The following TATDN2 variants were observed in gnomAD, a reference collection of about 807,000 sequenced individuals.
TATDN2 encodes 3'-5' RNA nuclease TATDN2.
Under a neutral mutation model 60.3 loss-of-function variants are expected in TATDN2, and 44 were observed. The ratio of observed to expected loss-of-function variants is 0.73; its 90% CI spans 0.57 to 0.94. TATDN2 has a LOEUF of 0.94. Among genes scored for constraint, TATDN2 ranks in the 40% least tolerant of loss-of-function variants. The pLI is 0.00. For synonymous variants in TATDN2, 399 were observed against 355.8 expected, an observed-to-expected ratio of 1.12 and a Z score of -1.37; for missense variants, 997 against 948.0, an observed-to-expected ratio of 1.05 and a Z score of -0.68.
At position 10,260,309 on chromosome 3, in the gene TATDN2, G is replaced by T; in HGVS notation, c.587G>T (p.Gly196Val). Reference protein sequence around the residue: ...IYLKAIQGILGKSMPKRKGEA... With the variant: ...IYLKAIQGILVKSMPKRKGEA... ...CTGAAGGCTATCCAGGGCATCCTGG[G>T]GAAATCGATGCCAAAAAGGAAGGGA... The change falls in exon 3 of 8, where the codon GGG becomes GTG. Residue 196 changes from glycine (G) to valine (V), a missense_variant. Coordinates refer to ENST00000448281, the MANE Select transcript of TATDN2 (RefSeq NM_014760.4). 1 of 1,614,152 alleles carries T rather than the reference G, an allele frequency of 6.2e-7. No homozygotes were observed. The highest frequency in any genetic ancestry group is 8.5e-7 in the Non-Finnish European group (1 of 1,180,030).
chr3:10,270,662 G>A lies in TATDN2; in HGVS notation c.1480G>A (p.Gly494Ser). Residue 494 changes from glycine to serine, a missense_variant, in exon 4 of 8, where the codon GGC (glycine) becomes AGC (serine). Coordinates refer to ENST00000448281, the MANE Select transcript of TATDN2 (RefSeq NM_014760.4). ...KSHLEPSLEE[G>S]FIDTHCHLDM... ...CCACCTGGAGCCAAGCCTAGAGGAG[G>A]GCTTCATTGACACTCATTGTCACCT... is the stretch of plus-strand genomic sequence containing the variant. 1 of 1,614,196 alleles carries A rather than the reference G, an allele frequency of 6.2e-7. No homozygotes were observed. Among genetic ancestry groups the A allele is most frequent in the Non-Finnish European group, 8.5e-7 (1 of 1,180,034 alleles).
intron 3 of TATDN2, among the ~76,000 whole-genome samples, chr3:10,262,408 T>C (rs1698419524): frequency 6.6e-6 from 1 of 152,180 alleles, no homozygotes; most frequent in Non-Finnish European, 1.5e-5. Flanking sequence ...GGTAAACATG[T>C]GTCTGAGATT....
Position 10,270,412 on chromosome 3 carries a change from G to T in TATDN2, c.1230G>T (p.Lys410Asn). 1 of 1,614,234 alleles carries T rather than the reference G, an allele frequency of 6.2e-7. No individual in the cohort carries two copies. Among genetic ancestry groups the T allele is most frequent in the Non-Finnish European group, 8.5e-7 (1 of 1,180,046 alleles). The change falls in exon 4 of 8, where the codon AAG becomes AAT. Residue 410 changes from lysine to asparagine, a missense_variant. Transcript: ENST00000448281. Reference protein sequence around the residue: ...SSSNDAAQVGKSSRSRMSDYS... With the variant: ...SSSNDAAQVGNSSRSRMSDYS... ...GCAACGATGCAGCCCAGGTTGGGAAGAGCAGCCGGAGCCGCATGAGTGATT... is the reference window on the plus strand; with the variant it reads ...GCAACGATGCAGCCCAGGTTGGGAATAGCAGCCGGAGCCGCATGAGTGATT...
In TATDN2 at chr3:10,275,763, C is replaced by A. The variant is rs1180678812; in HGVS notation, c.1834-598C>A. 5.5e-3 allele frequency among the ~76,000 whole-genome samples: 8 copies of A among 1,446 alleles called. No homozygotes were observed. The South Asian group carries it at 0.18, about 33-fold the overall frequency. The allele number at this position is 1,446 out of a possible 152,430, so 0.9% of individuals were successfully genotyped here. A position where few individuals can be genotyped will look rare whatever the true frequency, so the allele number is the denominator to read the frequency against. On this transcript the variant is annotated intron_variant, in intron 4 of 7. Transcript: ENST00000448281. ...TCGGTCTCAAAAAAACAAAACAAAA[C>A]AAAACAAAAAAAAACAAAGCAAGTT...
chr3:10,260,562 A>G lies in TATDN2; in HGVS notation c.840A>G (p.Gln280=). The change falls in exon 3 of 8, where the codon CAA becomes CAG. Residue 280 remains glutamine, a synonymous_variant. Coordinates refer to ENST00000448281, the MANE Select transcript of TATDN2 (RefSeq NM_014760.4). ...FYDRRVVIDP[Q]EKPSEEPLGD... ...ACAGGAGAGTAGTTATAGACCCTCA[A>G]GAGAAACCCAGTGAGGAGCCCCTTG... is the stretch of plus-strand genomic sequence containing the variant. 1 of 1,614,178 alleles carries G rather than the reference A, an allele frequency of 6.2e-7. No homozygotes were observed. The highest frequency in any genetic ancestry group is 8.5e-7 in the Non-Finnish European group (1 of 1,180,008).
At chr3:10,250,108 G>A (rs984831165) in intron 2 of TATDN2, among the ~76,000 whole-genome samples, 3 of 151,610 alleles carry the variant, frequency 2.0e-5, no homozygotes, top group African/African-American at 7.3e-5. Context: ...GCGGTTCTTG[G>A]TGTAGCTTTT....
intron 3 of TATDN2, among the ~76,000 whole-genome samples, chr3:10,263,408 T>C (rs1698435207): frequency 6.6e-6 from 1 of 152,142 alleles, no homozygotes; most frequent in African/African-American, 2.4e-5. Context: ...TCTCTTTCTC[T>C]CTCTAGCTTC....
chr3:10,268,383 T>C (rs6787865), intron 3 of TATDN2, among the ~76,000 whole-genome samples: 133 of 152,370 alleles, frequency 8.7e-4, no homozygotes, highest in African/African-American at 3.0e-3. Context: ...TGCTCTTTCA[T>C]TGTGAATGTT....
chr3:10,260,196 G>C lies in TATDN2; in HGVS notation c.474G>C (p.Glu158Asp), dbSNP rs143544454. Residue 158 changes from glutamate to aspartate, a missense_variant, in exon 3 of 8, where the codon GAG (glutamate) becomes GAC (aspartate). Coordinates refer to ENST00000448281, the MANE Select transcript of TATDN2 (RefSeq NM_014760.4). ...STNSEFAAEA[E>D]GQNDTIEEPN... ...ACTCTGAATTTGCAGCTGAAGCTGA[G>C]GGTCAGAATGATACAATTGAGGAAC... 2 of 1,614,096 alleles carry C rather than the reference G, an allele frequency of 1.2e-6. No homozygotes were observed. Among genetic ancestry groups the C allele is most frequent in the Admixed American group, 1.7e-5 (1 of 60,006 alleles).
At position 10,278,458 on chromosome 3, in the gene TATDN2, G is replaced by T; in HGVS notation, c.2141G>T (p.Arg714Leu). 6.2e-7 allele frequency: 1 copy of T among 1,611,138 alleles called. No homozygotes were observed. The highest frequency in any genetic ancestry group is 1.1e-5 in the South Asian group (1 of 90,968). ...VETDAPYFLP[R>L]QVPKSLCQYA... ...ACGGATGCTCCCTATTTCCTCCCTC[G>T]CCAGGTAAGGGGGTCTTCAGGCTGA... Residue 714 changes from arginine to leucine, a missense_variant, in exon 6 of 8, where the codon CGC becomes CTC. Coordinates refer to ENST00000448281, the MANE Select transcript of TATDN2 (RefSeq NM_014760.4). This position sits in a 1 kb window ranked among gnomAD's most constrained non-coding sequence, Gnocchi z 4.7.
intron 3 of TATDN2, among the ~76,000 whole-genome samples, chr3:10,267,928 A>T (rs139415856): frequency 6.6e-6 from 1 of 152,376 alleles, no homozygotes; most frequent in African/African-American, 2.4e-5. Flanking sequence ...AGCCTTGTCA[A>T]ACTTAGGCAA....
At chr3:10,251,445 G>A (rs1314361789) in intron 2 of TATDN2, among the ~76,000 whole-genome samples, 1 of 152,064 alleles carries the variant, frequency 6.6e-6, no homozygotes, top group East Asian at 1.9e-4. Context: ...GACTGCAGTG[G>A]CATGATCTCT....
intron 3 of TATDN2, among the ~76,000 whole-genome samples, chr3:10,261,550 A>G (rs1473588505): frequency 6.6e-6 from 1 of 151,904 alleles, no homozygotes; most frequent in African/African-American, 2.4e-5. Flanking sequence ...TTGTATTTTT[A>G]GTAGATATGG....
rs1261044207 is a variant in TATDN2, at chr3:10,281,150, A to G, written c.*1968A>G. On this transcript the variant is annotated 3_prime_UTR_variant, in exon 8 of 8. Transcript: ENST00000448281. ...TAATTGTTTTCACTGTGCTGTGGGA[A>G]TGCCTCTGTATTTTTTCCCCTCTTT... 6.6e-6 allele frequency: 1 copy of G among 152,108 alleles called. No homozygotes were observed. Among genetic ancestry groups the G allele is most frequent in the Admixed American group, 6.5e-5 (1 of 15,268 alleles). The allele number at this position is 152,108 out of a possible 1,614,324, so 9.4% of individuals were successfully genotyped here. A position where few individuals can be genotyped will look rare whatever the true frequency, so the allele number is the denominator to read the frequency against.
chr3:10,254,986 T>G (rs1698284340), intron 2 of TATDN2, among the ~76,000 whole-genome samples: 2 of 134,274 alleles, frequency 1.5e-5, no homozygotes, highest in African/African-American at 3.0e-5. Context: ...TTTTTCCCCC[T>G]TCCCCCTTCC....
chr3:10,271,062 A>G (rs1559463701), intron 4 of TATDN2, 47 bp downstream of exon 4: 1 of 1,500,020 alleles, frequency 6.7e-7, no homozygotes, highest in Non-Finnish European at 8.8e-7. Context: ...TTTTTCTTTT[A>G]GTTGTTGAAG....
In TATDN2 at chr3:10,270,814, A is replaced by G; in HGVS notation, c.1632A>G (p.Thr544=). The G allele has an allele frequency of 3.1e-6, 5 of 1,614,188 alleles. No individual in the cohort carries two copies. Among genetic ancestry groups the G allele is most frequent in the Non-Finnish European group, 4.2e-6 (5 of 1,180,032 alleles). Reference sequence around the variant, plus strand: ...ACTTCTGTGATCCCCGCACCCTGACAGATTGCCTATGGGAGGAGCTGTTGA... The same window carrying G: ...ACTTCTGTGATCCCCGCACCCTGACGGATTGCCTATGGGAGGAGCTGTTGA... ...ISDFCDPRTL[T]DCLWEELLKE... is the part of the protein sequence containing the mutation. The change falls in exon 4 of 8, where the codon ACA becomes ACG. Residue 544 remains threonine, a synonymous_variant. Coordinates refer to ENST00000448281, the MANE Select transcript of TATDN2 (RefSeq NM_014760.4).
intron 2 of TATDN2, among the ~76,000 whole-genome samples, chr3:10,255,084 C>G (rs1372347590): frequency 7.1e-6 from 1 of 140,468 alleles, no homozygotes; most frequent in African/African-American, 2.6e-5. Flanking sequence ...GCAATTGGCT[C>G]ACTGCATCCT....
intron 2 of TATDN2, 61 bp downstream of exon 2, chr3:10,249,675 G>C (rs532573544): frequency 6.8e-7 from 1 of 1,465,760 alleles, no homozygotes; most frequent in Admixed American, 2.6e-5. Flanking sequence ...GAGAGGTTGG[G>C]GATGGGAATT....
Sources: gnomAD v4.1 joint callset for allele counts (sites outside exome capture counted in the v4.1 genomes callset) on GRCh38, gnomAD v4.1.1 for gene constraint, Gnocchi (gnomAD v3.1) non-coding constraint, MANE v1.5 for transcripts, NCBI Gene and HGNC (gene_info 2026-07-23, HGNC 2026-07-21) for gene names.